Variants in KIRREL3 observed in about 807,000 individuals in gnomAD.
KIRREL3 encodes the protein kirre like nephrin family adhesion molecule 3.
In KIRREL3, 36 loss-of-function variants were observed where a neutral mutation model predicts 89.7. The ratio of observed to expected loss-of-function variants is 0.40; its 90% CI spans 0.31 to 0.53. The LOEUF (loss-of-function observed/expected upper bound fraction) is 0.53, where lower values mean the gene tolerates loss of function less well. Among genes scored for constraint, KIRREL3 ranks in the 20% least tolerant of loss-of-function variants. The probability of loss-of-function intolerance (pLI) is 0.49; values close to 1 mark genes in which losing one functional copy is unlikely to be tolerated. For synonymous variants in KIRREL3, 445 were observed against 441.4 expected (o/e 1.01, Z -0.10); for missense variants, 864 against 1,056.6 (o/e 0.82, Z 2.53).
chr11:126,949,461 C>T (rs1289285885), intron 1 of KIRREL3, among the ~76,000 whole-genome samples: 1 of 152,220 alleles, frequency 6.6e-6, no homozygotes, highest in Non-Finnish European at 1.5e-5. Context: ...CACAGAGATG[C>T]TCATGCACAT....
chr11:126,833,802 T>C (rs1821547731), intron 1 of KIRREL3, among the ~76,000 whole-genome samples: 2 of 152,220 alleles, frequency 1.3e-5, no homozygotes, highest in Non-Finnish European at 2.9e-5. Context: ...TCTTTGCTCA[T>C]TGTTTTTGCA....
intron 1 of KIRREL3, among the ~76,000 whole-genome samples, chr11:126,775,349 T>C (rs532076979): frequency 6.6e-6 from 1 of 152,136 alleles, no homozygotes; most frequent in Non-Finnish European, 1.5e-5. Context: ...GGCTGCATAT[T>C]TTTCCTGCCA....
At position 126,462,197 on chromosome 11, in the gene KIRREL3, T is replaced by C. The variant is rs1376881893; in HGVS notation, c.742+960A>G. 6.6e-6 allele frequency among the ~76,000 whole-genome samples: 1 copy of C among 151,768 alleles called. No individual in the cohort carries two copies. The highest frequency in any genetic ancestry group is 1.5e-5 in the Non-Finnish European group (1 of 67,922). ...GAAGCATCATAACTGTCAACATGAA[T>C]CCTAACACGGGCCACCGAGGGCTGG... On this transcript the variant is annotated intron_variant, in intron 6 of 16. Coordinates refer to ENST00000525144, the MANE Select transcript of KIRREL3 (RefSeq NM_032531.4). The surrounding 1 kb of genome is among the most constrained non-coding windows in gnomAD (Gnocchi z 4.8).
At chr11:126,534,041 T>C (rs1455327492) in intron 2 of KIRREL3, among the ~76,000 whole-genome samples, 4 of 152,166 alleles carry the variant, frequency 2.6e-5, no homozygotes, top group African/African-American at 9.6e-5. Context: ...TACTATCCAA[T>C]GACTTATTGA....
intron 1 of KIRREL3, among the ~76,000 whole-genome samples, chr11:126,886,306 C>T (rs1170146220): frequency 6.6e-6 from 1 of 152,214 alleles, no homozygotes; most frequent in African/African-American, 2.4e-5. Flanking sequence ...CAGCCCCACA[C>T]TGCCTCTTCG....
rs1285044856 is a variant in KIRREL3 at position 126,501,418 on chromosome 11, C to A, written c.433+19897G>T. On this transcript the variant is annotated intron_variant, in intron 4 of 16. Transcript: ENST00000525144. This position sits in a 1 kb window ranked among gnomAD's most constrained non-coding sequence, Gnocchi z 5.8. ...AGTCTTAGAGACTAAGGAGGCTCCT[C>A]TGGGGAGCGAGGGTGCCCAGGTGGG... is the stretch of plus-strand genomic sequence containing the variant. Among the ~76,000 whole-genome samples, 2 of 152,200 alleles carry A rather than the reference C, an allele frequency of 1.3e-5. No individual in the cohort carries two copies. The highest frequency in any genetic ancestry group is 4.8e-5 in the African/African-American group (2 of 41,450).
chr11:126,465,223 C>T (rs1355668322), intron 5 of KIRREL3, among the ~76,000 whole-genome samples: 1 of 152,306 alleles, frequency 6.6e-6, no homozygotes, highest in Non-Finnish European at 1.5e-5. Context: ...CAGACCACTC[C>T]TCCCTCAAAA....
rs911116136 is a variant in KIRREL3 at position 126,528,484 on chromosome 11, G to A, written c.134-1797C>T. ...GCTGGGGACAGGCAGGAAGGTGGCC[G>A]AGTTCACAACCTGACAAGATCTTGG... On this transcript the variant is annotated intron_variant, in intron 2 of 16. Transcript: ENST00000525144. The surrounding 1 kb of genome is among the most constrained non-coding windows in gnomAD (Gnocchi z 4.6). Among the ~76,000 whole-genome samples, 24 of 152,210 alleles carry A rather than the reference G, an allele frequency of 1.6e-4. No homozygotes were observed. Among genetic ancestry groups the A allele is most frequent in the Non-Finnish European group, 3.4e-4 (23 of 68,036 alleles).
In KIRREL3 at chr11:126,807,419, T is replaced by C. The variant is rs1371519356; in HGVS notation, c.55+193036A>G. 6.6e-6 allele frequency among the ~76,000 whole-genome samples: 1 copy of C among 152,252 alleles called. No homozygotes were observed. The highest frequency in any genetic ancestry group is 6.5e-5 in the Admixed American group (1 of 15,288). On this transcript the variant is annotated intron_variant, in intron 1 of 16. Transcript: ENST00000525144. This position sits in a 1 kb window ranked among gnomAD's most constrained non-coding sequence, Gnocchi z 4.3. ...ATGTTCTAACCTGTATTTTGGCTTC[T>C]AGTGGTTGAGACCTCATTAGCTATG...
At chr11:126,753,291 C>T (rs539166148) in intron 1 of KIRREL3, among the ~76,000 whole-genome samples, 60 of 152,306 alleles carry the variant, frequency 3.9e-4, no homozygotes, top group African/African-American at 1.4e-3. Context: ...CAGAGGGGCT[C>T]CATGGCTTCC....
chr11:126,998,103 T>C (rs1950225123), intron 1 of KIRREL3, among the ~76,000 whole-genome samples: 1 of 152,090 alleles, frequency 6.6e-6, no homozygotes, highest in Non-Finnish European at 1.5e-5. Flanking sequence ...ATGCGTTCTA[T>C]CCAATAAGTT....
At position 126,943,205 on chromosome 11, in the gene KIRREL3, G is replaced by T. The variant is rs1484781950; in HGVS notation, c.55+57250C>A. ...TTGGGGTCTCAGGATTGGCTTTTGA[G>T]GTGTTTCTGGGCCTTAAGCAGCTCC... On this transcript the variant is annotated intron_variant, in intron 1 of 16. Transcript: ENST00000525144. This position sits in a 1 kb window ranked among gnomAD's most constrained non-coding sequence, Gnocchi z 4.2. 6.6e-6 allele frequency among the ~76,000 whole-genome samples: 1 copy of T among 152,124 alleles called. No individual in the cohort carries two copies. The highest frequency in any genetic ancestry group is 1.5e-5 in the Non-Finnish European group (1 of 68,028).
rs1369163462 is a variant in KIRREL3, at chr11:126,489,742, C to A, written c.434-16276G>T. On this transcript the variant is annotated intron_variant, in intron 4 of 16. Coordinates refer to ENST00000525144, the MANE Select transcript of KIRREL3 (RefSeq NM_032531.4). The surrounding 1 kb of genome is among the most constrained non-coding windows in gnomAD (Gnocchi z 5.5). ...CAGCTAGGCCTAGCAGCCCTTGGAT[C>A]CTTAATCACCTCTGTTCTTTTGCTG... is the stretch of plus-strand genomic sequence containing the variant. Among the ~76,000 whole-genome samples, 1 of 152,158 alleles carries A rather than the reference C, an allele frequency of 6.6e-6. No homozygotes were observed. Among genetic ancestry groups the A allele is most frequent in the Admixed American group, 6.5e-5 (1 of 15,272 alleles).
In KIRREL3 at chr11:126,545,103, G is replaced by A. The variant is rs1455057033; in HGVS notation, c.133+17732C>T. On this transcript the variant is annotated intron_variant, in intron 2 of 16. Coordinates refer to ENST00000525144, the MANE Select transcript of KIRREL3 (RefSeq NM_032531.4). ...GATAACTTATAAATGTCATTGTGGT[G>A]TTTATTTGTTATAATGAAACTTAAT... 3.3e-5 allele frequency among the ~76,000 whole-genome samples: 5 copies of A among 152,302 alleles called. No homozygotes were observed. The East Asian group carries it at 9.6e-4, about 29-fold the overall frequency.
intron 1 of KIRREL3, among the ~76,000 whole-genome samples, chr11:126,799,269 T>C (rs1592144285): frequency 7.2e-6 from 1 of 139,250 alleles, no homozygotes; most frequent in African/African-American, 2.7e-5. Flanking sequence ...TGCGTGTGCA[T>C]GTACCTGTGT....
chr11:126,590,401 A>G (rs497526), intron 1 of KIRREL3, among the ~76,000 whole-genome samples: 119,906 of 152,146 alleles, frequency 0.79, 47,248 homozygotes, highest in South Asian at 0.8. Flanking sequence ...AGCCCTGTCT[A>G]CAGGGCTCTG....
chr11:126,821,826 T>C (rs572912133), intron 1 of KIRREL3, among the ~76,000 whole-genome samples: 1 of 152,058 alleles, frequency 6.6e-6, no homozygotes, highest in South Asian at 2.1e-4. Flanking sequence ...GTTTGGAAGA[T>C]GGAGTTAGGG....
intron 1 of KIRREL3, among the ~76,000 whole-genome samples, chr11:126,595,007 G>A (rs562081951): frequency 4.5e-4 from 69 of 152,360 alleles, no homozygotes; most frequent in South Asian, 1.0e-3. Flanking sequence ...GGGGCACCCC[G>A]TCCTGAGCGT....
rs1456667058 is a variant in KIRREL3 at position 126,566,113 on chromosome 11, C to A, written c.56-3201G>T. 1.4e-5 allele frequency among the ~76,000 whole-genome samples: 2 copies of A among 147,764 alleles called. No homozygotes were observed. The highest frequency in any genetic ancestry group is 2.1e-4 in the South Asian group (1 of 4,680). ...TTGGCTTTATCAGTAGCAGAAACAC[C>A]CAGATACTCTAAAGCTGGCTATGGA... On this transcript the variant is annotated intron_variant, in intron 1 of 16. Coordinates refer to ENST00000525144, the MANE Select transcript of KIRREL3 (RefSeq NM_032531.4). This position sits in a 1 kb window ranked among gnomAD's most constrained non-coding sequence, Gnocchi z 4.9.
Sources: allele counts gnomAD v4.1 joint callset (sites outside exome capture counted in the v4.1 genomes callset), GRCh38; gene constraint gnomAD v4.1.1; non-coding constraint Gnocchi (gnomAD v3.1); transcripts MANE v1.5; gene names NCBI Gene and HGNC (gene_info 2026-07-23, HGNC 2026-07-21).